Variants in DOCK2 observed in about 807,000 individuals in gnomAD.
The protein encoded by DOCK2 is dedicator of cytokinesis protein 2.
In DOCK2, 87 loss-of-function variants were observed where a neutral mutation model predicts 248.9. That is an observed-to-expected ratio of 0.35 (90% CI 0.29 to 0.42). The LOEUF is 0.42. Ranked by LOEUF, DOCK2 falls within the 10% of genes least tolerant of loss-of-function variation. The pLI, the probability that DOCK2 is intolerant of heterozygous loss-of-function variation, is 1.00. For missense variants in DOCK2, 1,747 were observed against 2,300.2 expected (o/e 0.76, Z 4.92); for synonymous variants, 805 against 821.6 (o/e 0.98, Z 0.35).
intron 26 of DOCK2, among the ~76,000 whole-genome samples, chr5:169,810,555 A>C (rs1053576352): frequency 2.6e-5 from 4 of 152,220 alleles, no homozygotes. Flanking sequence ...TGATACAAAA[A>C]GGTGGGTTGG....
chr5:169,979,727 G>A (rs1047757757), intron 27 of DOCK2, among the ~76,000 whole-genome samples: 7 of 152,132 alleles, frequency 4.6e-5, no homozygotes, highest in African/African-American at 7.2e-5. Context: ...ACTACAAATC[G>A]TACCAAAAGG....
At chr5:169,919,691 A>G (rs1259786109) in intron 27 of DOCK2, among the ~76,000 whole-genome samples, 1 of 152,112 alleles carries the variant, frequency 6.6e-6, no homozygotes, top group African/African-American at 2.4e-5. Flanking sequence ...TTCCTTTGGT[A>G]AGCAGTGCAC....
chr5:169,938,626 G>C (rs1384343395), intron 27 of DOCK2, among the ~76,000 whole-genome samples: 2 of 152,230 alleles, frequency 1.3e-5, no homozygotes, highest in Non-Finnish European at 2.9e-5. Context: ...GAATCAGTGA[G>C]TAAGTGGTGA....
chr5:169,874,440 G>A (rs1044143696), intron 27 of DOCK2, among the ~76,000 whole-genome samples: 2 of 150,524 alleles, frequency 1.3e-5, no homozygotes, highest in Non-Finnish European at 3.0e-5. Flanking sequence ...AAAGCAATTG[G>A]TGGTCTGTGG....
Position 169,712,489 on chromosome 5 carries a change from G to A in DOCK2, c.1659+266G>A, listed in dbSNP as rs142937203. 3.8e-3 allele frequency among the ~76,000 whole-genome samples: 572 copies of A among 152,272 alleles called. 4 individuals carry two copies. The highest frequency in any genetic ancestry group is 0.013 in the African/African-American group (540 of 41,534). ...ATGGAAGAACTCAATACATGGAAAA[G>A]GTTATTGTTATTTACAGAAAGGTTA... On this transcript the variant is annotated intron_variant, in intron 17 of 51. Coordinates refer to ENST00000520908, the MANE Select transcript of DOCK2 (RefSeq NM_004946.3).
At chr5:169,976,371 G>A (rs990058383) in intron 27 of DOCK2, among the ~76,000 whole-genome samples, 1 of 152,094 alleles carries the variant, frequency 6.6e-6, no homozygotes, top group Non-Finnish European at 1.5e-5. Context: ...CTTTCCTCCT[G>A]TATAAAATGA....
chr5:169,984,326 T>C (rs1778011908), intron 28 of DOCK2, among the ~76,000 whole-genome samples: 1 of 152,126 alleles, frequency 6.6e-6, no homozygotes, highest in Non-Finnish European at 1.5e-5. Context: ...TATCCACACT[T>C]CCGCAGGTGA....
At position 169,750,362 on chromosome 5, in the gene DOCK2, A is replaced by G. The variant is rs1763833445; in HGVS notation, c.2376+2858A>G. ...GAACAAGTGAGCATTTGCCGCTCTC[A>G]AGACACCTGGTCAATAGGAATGCCC... On this transcript the variant is annotated intron_variant, in intron 23 of 51. Transcript: ENST00000520908. 1.3e-5 allele frequency among the ~76,000 whole-genome samples: 2 copies of G among 152,222 alleles called. 1 individual carries two copies. Among genetic ancestry groups the G allele is most frequent in the Non-Finnish European group, 2.9e-5 (2 of 68,030 alleles).
intron 23 of DOCK2, among the ~76,000 whole-genome samples, chr5:169,748,167 G>T (rs1351004423): frequency 8.3e-6 from 1 of 121,060 alleles, no homozygotes; most frequent in Non-Finnish European, 1.6e-5. Flanking sequence ...GATTGCTGCT[G>T]CTTTTTTTTT....
chr5:169,708,824 C>A (rs1761424621), intron 15 of DOCK2, among the ~76,000 whole-genome samples: 2 of 152,166 alleles, frequency 1.3e-5, no homozygotes, highest in African/African-American at 4.8e-5. Flanking sequence ...CTTGGCCTCC[C>A]AAAGTACTGG....
intron 28 of DOCK2, among the ~76,000 whole-genome samples, chr5:169,984,158 C>T (rs942975650): frequency 6.6e-6 from 1 of 152,166 alleles, no homozygotes. Flanking sequence ...CTACAATCTG[C>T]TTGCTCAAGG....
At chr5:169,816,410 A>C (rs1768072116) in intron 26 of DOCK2, among the ~76,000 whole-genome samples, 1 of 152,236 alleles carries the variant, frequency 6.6e-6, no homozygotes, top group Non-Finnish European at 1.5e-5. Flanking sequence ...TCTGGGTTGG[A>C]AAATAAAGTT....
In DOCK2 at chr5:169,767,078, G is replaced by A. The variant is rs553707156; in HGVS notation, c.2554+5453G>A. 4.6e-5 allele frequency among the ~76,000 whole-genome samples: 7 copies of A among 152,314 alleles called. No homozygotes were observed. In the South Asian group the frequency reaches 8.3e-4, roughly 18 times the overall value. ...GCCAATTTTTGACTTTTTCATAATAGCCATTTTGAGTGGCGAGAGATGGTA... is the reference window on the plus strand; with the variant it reads ...GCCAATTTTTGACTTTTTCATAATAACCATTTTGAGTGGCGAGAGATGGTA... On this transcript the variant is annotated intron_variant, in intron 25 of 51. Coordinates refer to ENST00000520908, the MANE Select transcript of DOCK2 (RefSeq NM_004946.3).
intron 30 of DOCK2, among the ~76,000 whole-genome samples, chr5:169,998,756 C>G (rs540686546): frequency 6.6e-6 from 1 of 152,318 alleles, no homozygotes; most frequent in East Asian, 1.9e-4. Context: ...AGACTTTCAC[C>G]CTTGCAGTGG....
intron 29 of DOCK2, among the ~76,000 whole-genome samples, chr5:169,986,448 A>C (rs1778072007): frequency 6.6e-6 from 1 of 152,146 alleles, no homozygotes; most frequent in Non-Finnish European, 1.5e-5. Flanking sequence ...GTGTATCTAT[A>C]ATACCCGTTA....
chr5:169,792,534 A>G (rs1481679368), intron 25 of DOCK2, among the ~76,000 whole-genome samples: 1 of 150,676 alleles, frequency 6.6e-6, no homozygotes, highest in Non-Finnish European at 1.5e-5. Flanking sequence ...CTGGCCTTGA[A>G]CTCCTGGGCT....
chr5:169,643,665 C>A (rs763696472), intron 1 of DOCK2, among the ~76,000 whole-genome samples: 2 of 152,144 alleles, frequency 1.3e-5, no homozygotes, highest in East Asian at 3.9e-4. Flanking sequence ...CAACCAGTAC[C>A]GGTCGGTGGC....
chr5:169,923,034 G>A (rs1045583113), intron 27 of DOCK2, among the ~76,000 whole-genome samples: 4 of 152,178 alleles, frequency 2.6e-5, no homozygotes, highest in African/African-American at 9.7e-5. Context: ...CACAGATGTG[G>A]AAACTAATAT....
chr5:169,852,584 A>G (rs1388443761), intron 27 of DOCK2, among the ~76,000 whole-genome samples: 1 of 152,216 alleles, frequency 6.6e-6, no homozygotes, highest in Non-Finnish European at 1.5e-5. Context: ...GGGGCTAGTA[A>G]TGGTCATTAC....
Sources: allele counts gnomAD v4.1 joint callset (sites outside exome capture counted in the v4.1 genomes callset), GRCh38; gene constraint gnomAD v4.1.1; transcripts MANE v1.5; gene names NCBI Gene and HGNC (gene_info 2026-07-23, HGNC 2026-07-21).